CHLSN: variants seen among roughly 807,000 people sequenced by gnomAD.
The protein encoded by CHLSN is cholesin.
chr7:990,500 C>T, the CHLSN span, among the ~76,000 whole-genome samples: 1 of 151,990 alleles, frequency 6.6e-6, no homozygotes, highest in Non-Finnish European at 1.5e-5. Flanking sequence ...AGCCGTGGCA[C>T]ATTCCCACCT....
At chr7:1,096,064 C>T in the CHLSN span, among the ~76,000 whole-genome samples, 3 of 152,236 alleles carry the variant, frequency 2.0e-5, no homozygotes, top group Non-Finnish European at 4.4e-5. This position sits in a 1 kb window ranked among gnomAD's most constrained non-coding sequence, Gnocchi z 4.6. Flanking sequence ...CAACCCACCA[C>T]AGGGAACAGT....
the CHLSN span, chr7:988,260 C>A: frequency 6.4e-7 from 1 of 1,562,804 alleles, no homozygotes; most frequent in Admixed American, 1.8e-5. Flanking sequence ...CTCTCTGTGC[C>A]CCGGCTGCCC....
chr7:1,007,152 C>G, the CHLSN span, among the ~76,000 whole-genome samples: 1 of 152,116 alleles, frequency 6.6e-6, no homozygotes, highest in East Asian at 1.9e-4. Context: ...TGAGAGGAAA[C>G]TCTCCACCAT....
chr7:1,022,754 C>T, the CHLSN span, among the ~76,000 whole-genome samples: 1 of 152,184 alleles, frequency 6.6e-6, no homozygotes, highest in Non-Finnish European at 1.5e-5. Flanking sequence ...TCCCCCCCAA[C>T]CGTCCTCCCT....
the CHLSN span, among the ~76,000 whole-genome samples, chr7:1,010,976 C>T: frequency 6.6e-6 from 1 of 151,810 alleles, no homozygotes; most frequent in African/African-American, 2.4e-5. Context: ...GAAGGGAGGC[C>T]GGGCACAGCC....
the CHLSN span, chr7:1,043,885 A>C: frequency 6.6e-6 from 1 of 152,334 alleles, no homozygotes; most frequent in East Asian, 1.9e-4. Flanking sequence ...ACATGCTTTG[A>C]TTTTCAGAAA....
the CHLSN span, among the ~76,000 whole-genome samples, chr7:1,021,995 AC>A: frequency 1.3e-5 from 2 of 152,120 alleles, no homozygotes; most frequent in African/African-American, 4.8e-5. Context: ...CCCTCGGCAC[AC>A]CCAGGTGACA....
the CHLSN span, among the ~76,000 whole-genome samples, chr7:1,042,483 GGA>G: frequency 1.3e-5 from 2 of 152,176 alleles, no homozygotes; most frequent in Non-Finnish European, 2.9e-5. Flanking sequence ...TGCAGCCTCT[GGA>G]GAGTGTTTAC....
the CHLSN span, among the ~76,000 whole-genome samples, chr7:1,053,199 G>A: frequency 6.6e-6 from 1 of 151,760 alleles, no homozygotes; most frequent in African/African-American, 2.4e-5. Flanking sequence ...GCAAGGAGTC[G>A]AAGGCTCCAC....
the CHLSN span, among the ~76,000 whole-genome samples, chr7:1,008,902 G>GCACACACA: frequency 5.1e-5 from 5 of 98,650 alleles, no homozygotes; most frequent in African/African-American, 2.3e-4. Context: ...ATGCACACAC[G>GCACACACA]TACACAACAC....
chr7:983,279 AAGACCCCTCCCC>A, the CHLSN span: 5 of 1,544,136 alleles, frequency 3.2e-6, no homozygotes, highest in Non-Finnish European at 4.4e-6. Flanking sequence ...GCCTGCGCCC[AAGACCCCTCCCC>A]AGCTGCCCGG....
chr7:987,561 T>A, the CHLSN span: 3 of 1,493,138 alleles, frequency 2.0e-6, no homozygotes, highest in Non-Finnish European at 2.7e-6. Context: ...GCCCCTTCCA[T>A]CTCCTCTGGG....
At chr7:1,079,487 G>A in the CHLSN span, among the ~76,000 whole-genome samples, 4 of 152,218 alleles carry the variant, frequency 2.6e-5, no homozygotes, top group Non-Finnish European at 4.4e-5. Context: ...CTGGGGAGAC[G>A]GTTTCGTGAG....
chr7:985,343 C>G, the CHLSN span: 1 of 1,546,812 alleles, frequency 6.5e-7, no homozygotes, highest in Non-Finnish European at 8.7e-7. Flanking sequence ...TGCCTCCCAT[C>G]CTTGGGGTGG....
chr7:1,051,657 C>T, the CHLSN span, among the ~76,000 whole-genome samples: 1 of 152,212 alleles, frequency 6.6e-6, no homozygotes, highest in Non-Finnish European at 1.5e-5. Context: ...GCAAGGCTGG[C>T]CCTTTTTATG....
the CHLSN span, among the ~76,000 whole-genome samples, chr7:1,009,200 C>A: frequency 6.6e-6 from 1 of 152,226 alleles, no homozygotes; most frequent in Non-Finnish European, 1.5e-5. Context: ...TCCTCCCAGG[C>A]AGGGCCAGTG....
chr7:1,022,857 C>T, the CHLSN span: 1 of 354,038 alleles, frequency 2.8e-6, no homozygotes, highest in Non-Finnish European at 5.8e-6. Flanking sequence ...CATCAGAAGA[C>T]CCACGCATAC....
the CHLSN span, among the ~76,000 whole-genome samples, chr7:1,125,825 G>A: frequency 2.6e-5 from 4 of 152,334 alleles, no homozygotes; most frequent in East Asian, 3.9e-4. Flanking sequence ...CTCTTACCAC[G>A]ATGTGACGCG....
chr7:981,339 G>A, the CHLSN span, among the ~76,000 whole-genome samples: 2 of 151,548 alleles, frequency 1.3e-5, no homozygotes, highest in East Asian at 1.9e-4. Context: ...AGGCCGGCCC[G>A]GCATTGGCTC....
Sources: allele counts gnomAD v4.1 joint callset (sites outside exome capture counted in the v4.1 genomes callset), GRCh38; gene constraint gnomAD v4.1.1; non-coding constraint Gnocchi (gnomAD v3.1); transcripts MANE v1.5; gene names NCBI Gene and HGNC (gene_info 2026-07-23, HGNC 2026-07-21).